Variants in PCDH11X observed in about 807,000 individuals in gnomAD.
PCDH11X encodes the protein protocadherin-11 X-linked.
A neutral mutation model predicts 53.3 loss-of-function variants in PCDH11X; 18 were observed. The observed-to-expected ratio is 0.34, with a 90% CI of 0.23 to 0.50. The LOEUF (loss-of-function observed/expected upper bound fraction) is 0.50. Ranked by LOEUF, PCDH11X falls within the 20% of genes least tolerant of loss-of-function variation. The pLI is 0.98. For synonymous variants in PCDH11X, 279 were observed against 393.3 expected, an observed-to-expected ratio of 0.71 and a Z score of 3.44; for missense variants, 570 against 1,032.4, an observed-to-expected ratio of 0.55 and a Z score of 6.14.
At position 92,493,983 on chromosome X, in the gene PCDH11X, G is replaced by GT. The variant is rs762716633; in HGVS notation, c.3367+25674dup. 4.3e-3 allele frequency among the ~76,000 whole-genome samples: 438 copies of GT among 101,348 alleles called. 2 individuals are homozygous for GT. Among genetic ancestry groups the GT allele is most frequent in the African/African-American group, 0.012 (329 of 28,089 alleles). 88.0% of individuals were successfully genotyped at this position (101,348 alleles called of 115,157 possible). A position where few individuals can be genotyped will look rare whatever the true frequency, so the allele number is the denominator to read the frequency against. ...TTTTATATCCCTCTCTTGCCAACAG[G>GT]TTTTTTTTTTTTTAAGGTTATTTTC... is the stretch of plus-strand genomic sequence containing the variant. On this transcript the variant is annotated intron_variant, in intron 10 of 10. Transcript: ENST00000682573.
intron 6 of PCDH11X, among the ~76,000 whole-genome samples, chrX:91,901,549 C>G (rs1378106810): frequency 1.8e-5 from 2 of 110,886 alleles, no homozygotes; most frequent in African/African-American, 6.6e-5. Context: ...GTATTACTCT[C>G]TTTTCTGAAT....
intron 7 of PCDH11X, among the ~76,000 whole-genome samples, chrX:92,246,242 T>C (rs1166729760): frequency 8.9e-6 from 1 of 112,065 alleles, no homozygotes. Context: ...TTCATAGGCG[T>C]TGGGGCATAT....
At chrX:91,854,609 T>A (rs1938215807) in intron 5 of PCDH11X, among the ~76,000 whole-genome samples, 1 of 112,422 alleles carries the variant, frequency 8.9e-6, no homozygotes, top group South Asian at 3.7e-4. Context: ...CTAATTTACA[T>A]TCCCACAAAC....
Position 91,821,730 on chromosome X carries a change from G to A in PCDH11X, c.-45+10435G>A, listed in dbSNP as rs906749769. On this transcript the variant is annotated intron_variant, in intron 4 of 10. Transcript: ENST00000682573. The stretch of plus-strand genomic sequence containing the variant: ...ACTATGTTGAATAGGAGTGGTGAGA[G>A]AGGGCATCCCTGTCTTGTGCCCGTT... 1.7e-4 allele frequency among the ~76,000 whole-genome samples: 18 copies of A among 103,618 alleles called. No individual in the cohort carries two copies. In the East Asian group the frequency reaches 3.5e-3, roughly 20 times the overall value. 90.0% of individuals were successfully genotyped at this position (103,618 alleles called of 115,157 possible). A position where few individuals can be genotyped will look rare whatever the true frequency, so the allele number is the denominator to read the frequency against.
intron 9 of PCDH11X, chrX:92,460,021 G>A (rs2073001980): frequency 6.0e-6 from 6 of 997,227 alleles, no homozygotes; most frequent in Non-Finnish European, 7.0e-6. Context: ...GGAGAATAAG[G>A]GACCCCAGGT....
At chrX:92,060,003 A>G (rs2063503526) in intron 6 of PCDH11X, among the ~76,000 whole-genome samples, 1 of 110,788 alleles carries the variant, frequency 9.0e-6, no homozygotes, top group South Asian at 3.8e-4. Flanking sequence ...CCTTGATCCA[A>G]TTAGGTTCTT....
chrX:91,819,464 T>G (rs1358376270), intron 4 of PCDH11X, among the ~76,000 whole-genome samples: 1 of 110,020 alleles, frequency 9.1e-6, no homozygotes, highest in African/African-American at 3.3e-5. Context: ...CCAGAAAATT[T>G]TAGGTTTTTG....
At chrX:91,983,850 G>A (rs1319813810) in intron 6 of PCDH11X, among the ~76,000 whole-genome samples, 2 of 110,397 alleles carry the variant, frequency 1.8e-5, no homozygotes, top group Non-Finnish European at 3.8e-5. Context: ...GTTATAATCT[G>A]TAAACAAAAC....
chrX:91,828,314 G>T (rs768603658), intron 4 of PCDH11X, among the ~76,000 whole-genome samples: 1 of 109,300 alleles, frequency 9.1e-6, no homozygotes, highest in Non-Finnish European at 1.9e-5. Flanking sequence ...TAGAGACGGG[G>T]TTTCACCATG....
chrX:91,833,478 A>G (rs1403061020), intron 4 of PCDH11X, among the ~76,000 whole-genome samples: 2 of 110,927 alleles, frequency 1.8e-5, no homozygotes, highest in African/African-American at 6.5e-5. Context: ...ACCACAGGCA[A>G]CAGTGTTTTT....
chrX:92,260,519 G>T (rs759637294), intron 7 of PCDH11X, among the ~76,000 whole-genome samples: 1 of 110,909 alleles, frequency 9.0e-6, no homozygotes, highest in East Asian at 2.9e-4. Context: ...TCGCTCCAAT[G>T]CCTCTTTCAG....
chrX:92,400,552 G>T (rs1038373327), intron 9 of PCDH11X, among the ~76,000 whole-genome samples: 2 of 110,724 alleles, frequency 1.8e-5, no homozygotes, highest in African/African-American at 6.6e-5. Context: ...TGTTGTTAAA[G>T]TTCTCATAGT....
intron 4 of PCDH11X, among the ~76,000 whole-genome samples, chrX:91,833,054 A>T (rs1433154797): frequency 1.0e-5 from 1 of 99,617 alleles, no homozygotes; most frequent in East Asian, 3.2e-4. Flanking sequence ...GTATATGTCC[A>T]TGAGTTCTCA....
chrX:92,467,913 T>C (rs1306086391), intron 9 of PCDH11X, among the ~76,000 whole-genome samples: 2 of 111,539 alleles, frequency 1.8e-5, no homozygotes, highest in Non-Finnish European at 1.9e-5. Flanking sequence ...TCTACACTTA[T>C]AGTAGGAGGT....
In PCDH11X at chrX:92,533,915, C is replaced by A. The variant is rs746357985; in HGVS notation, c.3367+65593C>A. On this transcript the variant is annotated intron_variant, in intron 10 of 10. Coordinates refer to ENST00000682573, the MANE Select transcript of PCDH11X (RefSeq NM_032968.5). ...TCTGTAGGTCACCATCATCAAAGAC[C>A]AAAGGTAGATAAAACCACAAAGATG... Among the ~76,000 whole-genome samples, 148 of 105,879 alleles carry A rather than the reference C, an allele frequency of 1.4e-3. 2 individuals are homozygous for A. The highest frequency in any genetic ancestry group is 4.8e-3 in the African/African-American group (136 of 28,563). The allele number at this position is 105,879 out of a possible 115,157, so 91.9% of individuals were successfully genotyped here.
intron 6 of PCDH11X, among the ~76,000 whole-genome samples, chrX:92,080,001 T>C (rs1345517223): frequency 1.8e-5 from 2 of 111,576 alleles, no homozygotes; most frequent in East Asian, 5.7e-4. Flanking sequence ...TCAGTTGACC[T>C]TAAAGTAGGG....
intron 1 of PCDH11X, among the ~76,000 whole-genome samples, chrX:91,781,318 G>C (rs1935134495): frequency 9.3e-6 from 1 of 107,529 alleles, no homozygotes; most frequent in Admixed American, 9.9e-5. Flanking sequence ...GGGGGAGGGG[G>C]GGCAGCAAAG....
At position 92,076,844 on chromosome X, in the gene PCDH11X, A is replaced by G. The variant is rs539392509; in HGVS notation, c.3034-124531A>G. Among the ~76,000 whole-genome samples the G allele has an allele frequency of 2.3e-4, 26 of 112,328 alleles. No individual in the cohort carries two copies. In the South Asian group the frequency reaches 9.5e-3, roughly 41 times the overall value. Reference sequence around the variant, plus strand: ...ATTTTCTGGCACCAAAAATACATAAAAAATCTTTGAGTATTCAAATGATCT... The same window carrying G: ...ATTTTCTGGCACCAAAAATACATAAGAAATCTTTGAGTATTCAAATGATCT... On this transcript the variant is annotated intron_variant, in intron 6 of 10. Transcript: ENST00000682573.
At chrX:92,425,524 T>C (rs1488290384) in intron 9 of PCDH11X, among the ~76,000 whole-genome samples, 7 of 109,266 alleles carry the variant, frequency 6.4e-5, no homozygotes, top group Non-Finnish European at 1.3e-4. Context: ...AAGTTTGGAG[T>C]TTAGAAGAAA....
Sources: allele counts gnomAD v4.1 joint callset (sites outside exome capture counted in the v4.1 genomes callset), GRCh38; gene constraint gnomAD v4.1.1; transcripts MANE v1.5; gene names NCBI Gene and HGNC (gene_info 2026-07-23, HGNC 2026-07-21).